The following STK10 variants were observed in gnomAD, a reference collection of about 807,000 sequenced individuals.
The protein encoded by STK10 is serine/threonine-protein kinase 10.
Under a neutral mutation model 113.8 loss-of-function variants are expected in STK10, and 78 were observed. The observed-to-expected ratio is 0.69, with a 90% CI of 0.57 to 0.83. The LOEUF is 0.83. Ranked by LOEUF, STK10 falls within the 40% of genes least tolerant of loss-of-function variation. STK10 has a pLI of 0.00. For missense variants in STK10, 1,109 were observed against 1,280.1 expected, an observed-to-expected ratio of 0.87 and a Z score of 2.04; for synonymous variants, 465 against 494.7, an observed-to-expected ratio of 0.94 and a Z score of 0.80.
chr5:172,064,801 CTCGT>C lies in STK10; in HGVS notation c.1997_2000del (p.Asn666ArgfsTer14). 1.2e-6 allele frequency: 2 copies of C among 1,614,178 alleles called. No individual in the cohort carries two copies. The highest frequency in any genetic ancestry group is 2.7e-5 in the African/African-American group (2 of 75,064). On this transcript the variant is annotated frameshift_variant, in exon 13 of 19. Transcript: ENST00000176763. LOFTEE classifies it high-confidence loss of function. ...GCTGCTGTCGGGGGAGCTTCTCCAC[CTCGT>C]TCTTCACCTGCAGCAGAGACAGCAG...
intron 12 of STK10, among the ~76,000 whole-genome samples, chr5:172,080,781 A>T (rs1768410262): frequency 6.6e-6 from 1 of 152,072 alleles, no homozygotes; most frequent in Non-Finnish European, 1.5e-5. Flanking sequence ...AAGGTGCAGC[A>T]GCAAGTGCTG....
chr5:172,103,116 GA>G (rs1044160882), intron 7 of STK10, among the ~76,000 whole-genome samples: 3 of 152,252 alleles, frequency 2.0e-5, no homozygotes, highest in Non-Finnish European at 2.9e-5. Context: ...TAGACACCCT[GA>G]AGGCTGACAG....
intron 5 of STK10, 192 bp from the exon 6 acceptor site, chr5:172,107,006 C>A (rs1769129413): frequency 1.9e-6 from 1 of 528,436 alleles, no homozygotes; most frequent in African/African-American, 2.0e-5. Flanking sequence ...CACGCGGCTC[C>A]CCGCCACGTC....
intron 12 of STK10, among the ~76,000 whole-genome samples, chr5:172,078,991 T>A (rs1286366146): frequency 1.3e-5 from 2 of 151,786 alleles, no homozygotes; most frequent in Non-Finnish European, 2.9e-5. Context: ...GGTGTGCACA[T>A]GTGACAGGGC....
Position 172,093,971 on chromosome 5 carries a change from AT to A in STK10, c.1006-12del. ...ATGGTTCTCCAGGGTCTAGAAAAATATATATATATATATTAAAGGCCATGCT... is the reference window on the plus strand; with the variant it reads ...ATGGTTCTCCAGGGTCTAGAAAAATAATATATATATATTAAAGGCCATGCT... On this transcript the variant is annotated splice_polypyrimidine_tract_variant and intron_variant, in intron 8 of 18. Coordinates refer to ENST00000176763, the MANE Select transcript of STK10 (RefSeq NM_005990.4). This position sits in a 1 kb window ranked among gnomAD's most constrained non-coding sequence, Gnocchi z 4.1. The A allele has an allele frequency of 7.2e-7, 1 of 1,390,172 alleles. No homozygotes were observed. Among genetic ancestry groups the A allele is most frequent in the Non-Finnish European group, 9.4e-7 (1 of 1,065,322 alleles). 86.1% of individuals were successfully genotyped at this position (1,390,172 alleles called of 1,614,324 possible).
chr5:172,105,670 C>T lies in STK10; in HGVS notation c.856G>A (p.Ala286Thr), dbSNP rs139973473. 218 of 1,613,678 alleles carry T rather than the reference C, an allele frequency of 1.4e-4. No homozygotes were observed. The highest frequency in any genetic ancestry group is 1.6e-4 in the African/African-American group (12 of 74,894). Residue 286 changes from alanine (A) to threonine (T), a missense_variant, in exon 7 of 19, where the codon GCG becomes ACG. Ala to Thr is a moderately conservative substitution (Grantham distance 58). Around this residue, in one of 5 missense-constraint regions of STK10, gnomAD observed 885 missense variants for 991.1 expected, o/e 0.89. Coordinates refer to ENST00000176763, the MANE Select transcript of STK10 (RefSeq NM_005990.4). ...AATCCACTCACCTCCAGCAGCTGCG[C>T]GGCACTGGGTCGGGTTTCTGGGTTC... ...DKNPETRPSAAQLLEHPFVSS... is the reference protein window; with the variant it reads ...DKNPETRPSATQLLEHPFVSS...
rs1769108313 is a variant in STK10 at position 172,106,404 on chromosome 5, A to AAAAAAAAAAAAAAAAAAAAAT, written c.788+215_788+216insATTTTTTTTTTTTTTTTTTTT. 1.5e-5 allele frequency among the ~76,000 whole-genome samples: 2 copies of AAAAAAAAAAAAAAAAAAAAAT among 133,358 alleles called. 1 individual carries two copies. The highest frequency in any genetic ancestry group is 3.1e-5 in the Non-Finnish European group (2 of 64,866). The allele number at this position is 133,358 out of a possible 152,430, so 87.5% of individuals were successfully genotyped here. Reference sequence around the variant, plus strand: ...GCAAAAGAGTGAGACCCTATCTCAAAAAAAAAAAAAAAAAGGAACACAAAG... The same window carrying AAAAAAAAAAAAAAAAAAAAAT: ...GCAAAAGAGTGAGACCCTATCTCAAAAAAAAAAAAAAAAAAAAAAATAAAAAAAAAAAAAAGGAACACAAAG... On this transcript the variant is annotated intron_variant, in intron 6 of 18. Coordinates refer to ENST00000176763, the MANE Select transcript of STK10 (RefSeq NM_005990.4).
At chr5:172,102,964 G>T (rs11746419) in intron 7 of STK10, among the ~76,000 whole-genome samples, 15,013 of 152,092 alleles carry the variant, frequency 0.099, 851 homozygotes, top group Non-Finnish European at 0.12. Flanking sequence ...TTCAGAGCCT[G>T]GTTACTAACC....
At chr5:172,069,498 T>A (rs1768133639) in intron 12 of STK10, among the ~76,000 whole-genome samples, 1 of 152,310 alleles carries the variant, frequency 6.6e-6, no homozygotes, top group South Asian at 2.1e-4. Context: ...ATGACTATTT[T>A]AGTCTTAGCT....
chr5:172,103,827 C>T (rs1255289976), intron 7 of STK10, among the ~76,000 whole-genome samples: 1 of 152,152 alleles, frequency 6.6e-6, no homozygotes, highest in East Asian at 1.9e-4. Flanking sequence ...TTAAGCTAAG[C>T]GCTTCATAGT....
intron 12 of STK10, among the ~76,000 whole-genome samples, chr5:172,074,656 T>C (rs1310445803): frequency 1.3e-5 from 2 of 152,226 alleles, no homozygotes; most frequent in East Asian, 1.9e-4. Context: ...TTCTTGGATA[T>C]ACTGCTAATA....
intron 1 of STK10, among the ~76,000 whole-genome samples, chr5:172,173,641 C>G (rs980253942): frequency 1.9e-4 from 29 of 152,286 alleles, no homozygotes; most frequent in African/African-American, 6.5e-4. Flanking sequence ...ATCTTCATAA[C>G]AGAGAGAGCA....
rs1454251064 is a variant in STK10, at chr5:172,156,681, G to A, written c.264C>T (p.Cys88=). ...YIVEIEILAT[C]DHPYIVKLLG... ...GGAGCTTCACAATGTAGGGGTGGTC[G>A]CAGGTGGCCAGGATCTCAATCTCCA... The change falls in exon 2 of 19, where the codon TGC becomes TGT. Residue 88 remains cysteine (C), a synonymous_variant. Coordinates refer to ENST00000176763, the MANE Select transcript of STK10 (RefSeq NM_005990.4). 8.1e-6 allele frequency: 13 copies of A among 1,614,006 alleles called. No individual in the cohort carries two copies. The highest frequency in any genetic ancestry group is 2.2e-5 in the South Asian group (2 of 91,092).
chr5:172,055,157 C>T lies in STK10; in HGVS notation c.2526+431G>A, dbSNP rs1581131896. ...TCCAGGGCACGCATGGTGACTCGCA[C>T]ACCCCCTCCCAAGACCTTATGGCGG... On this transcript the variant is annotated intron_variant, in intron 16 of 18. Coordinates refer to ENST00000176763, the MANE Select transcript of STK10 (RefSeq NM_005990.4). Among the ~76,000 whole-genome samples the T allele has an allele frequency of 5.4e-5, 7 of 129,280 alleles. No individual in the cohort carries two copies. In the Admixed American group the frequency reaches 5.9e-4, roughly 11 times the overall value. 84.8% of individuals were successfully genotyped at this position (129,280 alleles called of 152,430 possible). A position where few individuals can be genotyped will look rare whatever the true frequency, so the allele number is the denominator to read the frequency against.
chr5:172,112,329 A>C (rs900864523), intron 4 of STK10, among the ~76,000 whole-genome samples: 4 of 151,514 alleles, frequency 2.6e-5, no homozygotes, highest in African/African-American at 4.9e-5. Flanking sequence ...ACACACACAC[A>C]CCGGTCTGGA....
chr5:172,132,113 C>T (rs545995272), intron 2 of STK10, among the ~76,000 whole-genome samples: 60 of 152,226 alleles, frequency 3.9e-4, no homozygotes, highest in African/African-American at 1.4e-3. Context: ...GTCAGGTATT[C>T]TGTTATAGCA....
chr5:172,124,084 C>A (rs1471630817), intron 3 of STK10, among the ~76,000 whole-genome samples: 1 of 152,230 alleles, frequency 6.6e-6, no homozygotes, highest in East Asian at 1.9e-4. Flanking sequence ...AAACCACTAA[C>A]GCCCAGCTAA....
chr5:172,141,543 C>T (rs1769971980), intron 2 of STK10, among the ~76,000 whole-genome samples: 1 of 147,242 alleles, frequency 6.8e-6, no homozygotes, highest in Admixed American at 6.8e-5. Context: ...TGTGCCACTA[C>T]ATACACTCCA....
chr5:172,141,451 C>T (rs1052592809), intron 2 of STK10, among the ~76,000 whole-genome samples: 7 of 151,822 alleles, frequency 4.6e-5, no homozygotes, highest in African/African-American at 1.5e-4. Flanking sequence ...CATAGTGGTG[C>T]GTGCCTGTGG....
Sources: allele counts gnomAD v4.1 joint callset (sites outside exome capture counted in the v4.1 genomes callset), GRCh38; gene constraint gnomAD v4.1.1; regional missense constraint gnomAD v4.1.1; non-coding constraint Gnocchi (gnomAD v3.1); transcripts MANE v1.5; gene names NCBI Gene and HGNC (gene_info 2026-07-23, HGNC 2026-07-21).